The following AKAP12 variants were observed in gnomAD, a reference collection of about 807,000 sequenced individuals.
AKAP12 encodes the protein A-kinase anchoring protein 12.
In AKAP12, 32 loss-of-function variants were observed where a neutral mutation model predicts 79.9. The observed-to-expected ratio is 0.40, with a 90% CI of 0.30 to 0.54. The LOEUF is 0.54. Ranked by LOEUF, AKAP12 falls within the 20% of genes least tolerant of loss-of-function variation. AKAP12 has a pLI of 0.48. For missense variants in AKAP12, 2,074 were observed against 2,177.0 expected (o/e 0.95, Z 0.94); for synonymous variants, 808 against 857.0 (o/e 0.94, Z 1.00).
At chr6:151,309,496 T>C (rs546293523) in intron 3 of AKAP12, among the ~76,000 whole-genome samples, 2 of 152,330 alleles carry the variant, frequency 1.3e-5, no homozygotes, top group African/African-American at 2.4e-5. Flanking sequence ...AAATTTTTTT[T>C]CCCATTTTGA....
At chr6:151,325,243 C>G in intron 3 of AKAP12, 2 of 985,380 alleles carry the variant, frequency 2.0e-6, no homozygotes, top group Non-Finnish European at 2.4e-6. Context: ...TGGCACCACA[C>G]CAACCTTTAA....
At chr6:151,342,961 C>T (rs758036358) in intron 3 of AKAP12, among the ~76,000 whole-genome samples, 4 of 152,130 alleles carry the variant, frequency 2.6e-5, no homozygotes, top group Admixed American at 6.6e-5. Flanking sequence ...TGGGGTTTCA[C>T]CACTTTGGCC....
At chr6:151,330,298 C>G (rs1442072848) in intron 3 of AKAP12, among the ~76,000 whole-genome samples, 1 of 152,244 alleles carries the variant, frequency 6.6e-6, no homozygotes, top group East Asian at 1.9e-4. Context: ...TACCCCACCC[C>G]CCAAAAAACA....
chr6:151,326,942 G>A (rs984459135), intron 3 of AKAP12, among the ~76,000 whole-genome samples: 12 of 151,986 alleles, frequency 7.9e-5, no homozygotes, highest in Non-Finnish European at 1.5e-4. Flanking sequence ...TCAGCCTCCC[G>A]AGTAGCTGGG....
In AKAP12 at chr6:151,285,881, T is replaced by A. The variant is rs1455090995; in HGVS notation, c.163-19866T>A. On this transcript the variant is annotated intron_variant, in intron 2 of 4. Transcript: ENST00000402676. ...ATGATTATCTTCTGGAGGTGATAAT[T>A]TTTTTTTTTTTTTGAGACGGAATTT... Among the ~76,000 whole-genome samples, 303 of 121,342 alleles carry A rather than the reference T, an allele frequency of 2.5e-3. 1 individual carries two copies. The highest frequency in any genetic ancestry group is 8.4e-3 in the African/African-American group (297 of 35,296). The allele number at this position is 121,342 out of a possible 152,430, so 79.6% of individuals were successfully genotyped here.
At chr6:151,253,838 C>CT (rs1797238530) in intron 2 of AKAP12, among the ~76,000 whole-genome samples, 1 of 151,982 alleles carries the variant, frequency 6.6e-6, no homozygotes, top group South Asian at 2.1e-4. Flanking sequence ...TCTTGAGTAG[C>CT]TGGAATTACA....
intron 2 of AKAP12, among the ~76,000 whole-genome samples, chr6:151,287,342 C>T (rs1776526764): frequency 6.6e-6 from 1 of 152,114 alleles, no homozygotes; most frequent in Admixed American, 6.5e-5. Flanking sequence ...TCACTGTGGC[C>T]TCAACTTCCT....
At chr6:151,354,806 T>C (rs1041357646) in intron 4 of AKAP12, among the ~76,000 whole-genome samples, 1 of 152,072 alleles carries the variant, frequency 6.6e-6, no homozygotes, top group Admixed American at 6.6e-5. Flanking sequence ...GTCTCCTGAA[T>C]AGCTGCTGGG....
intron 3 of AKAP12, among the ~76,000 whole-genome samples, chr6:151,333,612 G>A (rs1330000602): frequency 6.6e-6 from 1 of 151,938 alleles, no homozygotes; most frequent in South Asian, 2.1e-4. Context: ...GCATGGTGGC[G>A]GGCGCCTGTG....
At chr6:151,288,961 G>A (rs1483944524) in intron 2 of AKAP12, among the ~76,000 whole-genome samples, 1 of 152,202 alleles carries the variant, frequency 6.6e-6, no homozygotes, top group Non-Finnish European at 1.5e-5. Flanking sequence ...TGAGGTTAAT[G>A]GATTCCTGTT....
In AKAP12 at chr6:151,326,681, G is replaced by T. The variant is rs529067628; in HGVS notation, c.319+20778G>T. 4.6e-5 allele frequency among the ~76,000 whole-genome samples: 7 copies of T among 152,074 alleles called. No homozygotes were observed. The East Asian group carries it at 9.7e-4, about 21-fold the overall frequency. ...GATAGTCTTATGCCATTGTACTGTGGCCTAACCTGCGTATTTTCTCTTCCT... is the reference window on the plus strand; with the variant it reads ...GATAGTCTTATGCCATTGTACTGTGTCCTAACCTGCGTATTTTCTCTTCCT... On this transcript the variant is annotated intron_variant, in intron 3 of 4. Transcript: ENST00000402676.
chr6:151,274,983 A>T (rs1776262387), intron 2 of AKAP12, among the ~76,000 whole-genome samples: 1 of 152,158 alleles, frequency 6.6e-6, no homozygotes, highest in Non-Finnish European at 1.5e-5. Context: ...ACATTCCTGA[A>T]GTCCCAGCTA....
At chr6:151,262,969 C>T (rs1266529645) in intron 2 of AKAP12, among the ~76,000 whole-genome samples, 1 of 152,204 alleles carries the variant, frequency 6.6e-6, no homozygotes, top group Non-Finnish European at 1.5e-5. Context: ...AGCACATTTT[C>T]TTTGCCTGCA....
intron 3 of AKAP12, among the ~76,000 whole-genome samples, chr6:151,334,160 G>A (rs377185307): frequency 2.2e-4 from 34 of 152,218 alleles, no homozygotes; most frequent in African/African-American, 7.9e-4. Context: ...TTTACATGGT[G>A]CAAATAAAGA....
chr6:151,335,385 C>T (rs1166426202), intron 3 of AKAP12, among the ~76,000 whole-genome samples: 2 of 152,154 alleles, frequency 1.3e-5, no homozygotes, highest in Admixed American at 1.3e-4. Flanking sequence ...TCCTCATAAC[C>T]AGCCTTAGTG....
chr6:151,240,301 A>G (rs373773468), intron 1 of AKAP12, 83 bp from the exon 2 acceptor site: 2 of 335,016 alleles, frequency 6.0e-6, no homozygotes, highest in African/African-American at 2.2e-5. Flanking sequence ...GGCTGTGCTC[A>G]TGTGATGAAG....
intron 3 of AKAP12, among the ~76,000 whole-genome samples, chr6:151,318,296 A>G (rs1014335695): frequency 1.3e-5 from 2 of 152,208 alleles, no homozygotes; most frequent in African/African-American, 4.8e-5. Context: ...TTCCTTGTTT[A>G]TAAGCCACCT....
chr6:151,297,229 TCAC>T (rs76349928), intron 2 of AKAP12, among the ~76,000 whole-genome samples: 43,475 of 151,296 alleles, frequency 0.29, 7,422 homozygotes, highest in Non-Finnish European at 0.4. Context: ...GGGGGCAGGA[TCAC>T]TTGCCCTCGC....
intron 2 of AKAP12, among the ~76,000 whole-genome samples, chr6:151,241,420 G>T (rs1796973800): frequency 6.6e-6 from 1 of 152,258 alleles, no homozygotes; most frequent in African/African-American, 2.4e-5. Flanking sequence ...TCAGCGCTTT[G>T]CCTGCAGACT....
Sources: gnomAD v4.1 joint callset for allele counts (sites outside exome capture counted in the v4.1 genomes callset) on GRCh38, gnomAD v4.1.1 for gene constraint, MANE v1.5 for transcripts, NCBI Gene and HGNC (gene_info 2026-07-23, HGNC 2026-07-21) for gene names.